Variants in CAST observed in about 807,000 individuals in gnomAD.
CAST encodes the protein MIR583 host.
A neutral mutation model predicts 119.6 loss-of-function variants in CAST; 76 were observed. That is an observed-to-expected ratio of 0.64 (90% CI 0.53 to 0.77). The LOEUF (loss-of-function observed/expected upper bound fraction) is 0.77. CAST is among the 30% of genes least tolerant of loss of function. CAST has a pLI of 0.00. For synonymous variants in CAST, 319 were observed against 331.6 expected (o/e 0.96, Z 0.41); for missense variants, 953 against 946.5 (o/e 1.01, Z -0.09).
the CAST span, among the ~76,000 whole-genome samples, chr5:96,053,652 C>G: frequency 6.6e-6 from 1 of 152,148 alleles, no homozygotes; most frequent in South Asian, 2.1e-4. Flanking sequence ...AGCAAAATAT[C>G]AGTATCACTT....
At chr5:96,411,330 C>G in the CAST span, among the ~76,000 whole-genome samples, 1 of 152,222 alleles carries the variant, frequency 6.6e-6, no homozygotes, top group Non-Finnish European at 1.5e-5. Flanking sequence ...TGAACTTCCT[C>G]TCTTTCTTTC....
the CAST span, among the ~76,000 whole-genome samples, chr5:96,282,105 C>T: frequency 9.9e-4 from 145 of 146,074 alleles, 2 homozygotes; most frequent in Admixed American, 3.6e-4. Flanking sequence ...GAGGGTAGAG[C>T]CGGAAAGGTA....
chr5:96,638,163 T>G (rs903525746), intron 1 of CAST, among the ~76,000 whole-genome samples: 1 of 152,022 alleles, frequency 6.6e-6, no homozygotes, highest in Non-Finnish European at 1.5e-5. Flanking sequence ...CCCAGCACTT[T>G]GGGAGGCCGA....
At chr5:96,313,716 G>T in the CAST span, among the ~76,000 whole-genome samples, 1 of 152,014 alleles carries the variant, frequency 6.6e-6, no homozygotes, top group Non-Finnish European at 1.5e-5. Context: ...TCCCAATGTG[G>T]AAATCCCACC....
chr5:95,964,269 T>A, the CAST span, among the ~76,000 whole-genome samples: 2 of 152,194 alleles, frequency 1.3e-5, no homozygotes, highest in African/African-American at 4.8e-5. Context: ...CTGGTTAGGA[T>A]AATTTATTTT....
the CAST span, among the ~76,000 whole-genome samples, chr5:96,259,718 G>A: frequency 6.6e-6 from 1 of 151,710 alleles, no homozygotes; most frequent in Non-Finnish European, 1.5e-5. Context: ...CTTCTCCTTC[G>A]TTTCCTTTCT....
At chr5:96,264,613 G>A in the CAST span, among the ~76,000 whole-genome samples, 5 of 152,190 alleles carry the variant, frequency 3.3e-5, no homozygotes, top group Non-Finnish European at 4.4e-5. Context: ...TTTATTGTGT[G>A]TAGTGCTTGT....
intron 1 of CAST, among the ~76,000 whole-genome samples, chr5:96,586,964 A>G (rs1746871399): frequency 6.6e-6 from 1 of 152,234 alleles, no homozygotes; most frequent in Non-Finnish European, 1.5e-5. Context: ...AAATTAGAAT[A>G]AGTAACATAC....
At chr5:96,243,337 C>T in the CAST span, among the ~76,000 whole-genome samples, 25 of 148,314 alleles carry the variant, frequency 1.7e-4, no homozygotes, top group African/African-American at 5.7e-4. Flanking sequence ...CAAGCTGTTA[C>T]AAGAGACTGA....
the CAST span, among the ~76,000 whole-genome samples, chr5:96,322,255 G>A: frequency 6.6e-6 from 1 of 152,130 alleles, no homozygotes; most frequent in Admixed American, 6.5e-5. Flanking sequence ...CATTTTGGGA[G>A]GCTGCTTGGT....
At chr5:96,524,337 A>G (rs566254112), upstream of CAST, among the ~76,000 whole-genome samples, 14 of 152,372 alleles carry the variant, frequency 9.2e-5, no homozygotes, top group African/African-American at 3.4e-4. Context: ...AAGCTCAGGA[A>G]GACAATGACA....
chr5:96,264,827 A>G, the CAST span, among the ~76,000 whole-genome samples: 2 of 152,198 alleles, frequency 1.3e-5, no homozygotes, highest in African/African-American at 4.8e-5. Context: ...ATTTGACTCC[A>G]TGTATGTGAG....
the CAST span, among the ~76,000 whole-genome samples, chr5:96,023,300 T>C: frequency 3.1e-4 from 47 of 152,168 alleles, no homozygotes; most frequent in Non-Finnish European, 5.6e-4. Context: ...TCTGGATAAA[T>C]AGCTCTGTGG....
chr5:96,043,780 C>A, the CAST span, among the ~76,000 whole-genome samples: 1 of 152,098 alleles, frequency 6.6e-6, no homozygotes, highest in Non-Finnish European at 1.5e-5. Flanking sequence ...ATAAAAGTAT[C>A]CTGATTGGTT....
chr5:96,313,403 T>C, the CAST span, among the ~76,000 whole-genome samples: 1 of 152,160 alleles, frequency 6.6e-6, no homozygotes, highest in Non-Finnish European at 1.5e-5. Flanking sequence ...TTTTTTCTTT[T>C]CCAAATATCA....
chr5:96,338,122 A>G, the CAST span, among the ~76,000 whole-genome samples: 1 of 152,222 alleles, frequency 6.6e-6, no homozygotes, highest in Non-Finnish European at 1.5e-5. Flanking sequence ...TTATGACACA[A>G]CAATTGTTAG....
chr5:96,534,757 GAAAGAAAGAAAGAAAGAA>G (rs1561408954), intron 1 of CAST, among the ~76,000 whole-genome samples: 7 of 70,474 alleles, frequency 9.9e-5, no homozygotes, highest in Non-Finnish European at 1.5e-4. Context: ...AAGAAAGAAA[GAAAGAAAGAAAGAAAGAA>G]AGAAAGAAAG....
At chr5:96,440,250 G>T in the CAST span, among the ~76,000 whole-genome samples, 358 of 151,644 alleles carry the variant, frequency 2.4e-3, 1 homozygote, top group African/African-American at 8.2e-3. Flanking sequence ...GAGAATTGAG[G>T]GTTTGGAGCT....
At chr5:96,238,795 C>G in the CAST span, among the ~76,000 whole-genome samples, 1 of 152,120 alleles carries the variant, frequency 6.6e-6, no homozygotes, top group South Asian at 2.1e-4. Context: ...TAAAGTGTTT[C>G]CTGTTTCTAT....
Sources: allele counts gnomAD v4.1 joint callset (sites outside exome capture counted in the v4.1 genomes callset), GRCh38; gene constraint gnomAD v4.1.1; transcripts MANE v1.5; gene names NCBI Gene and HGNC (gene_info 2026-07-23, HGNC 2026-07-21).